Variants in RFT1 observed in about 807,000 individuals in gnomAD.
RFT1 encodes RFT1 glycolipid translocator homolog, also known as man(5)GlcNAc(2)-PP-dolichol translocation protein RFT1.
RFT1 carries 43 observed loss-of-function variants against 62.2 expected under a neutral mutation model. The observed-to-expected ratio is 0.69, with a 90% CI of 0.54 to 0.89. The LOEUF (loss-of-function observed/expected upper bound fraction) is 0.89. Ranked by LOEUF, RFT1 falls within the 40% of genes least tolerant of loss-of-function variation. The pLI is 0.00. For synonymous variants in RFT1, 262 were observed against 264.6 expected (o/e 0.99, Z 0.10); for missense variants, 605 against 649.9 (o/e 0.93, Z 0.75).
At chr3:53,112,594 T>C (rs1388116419) in intron 6 of RFT1, among the ~76,000 whole-genome samples, 1 of 152,042 alleles carries the variant, frequency 6.6e-6, no homozygotes, top group South Asian at 2.1e-4. Flanking sequence ...AATACAAAAA[T>C]TAGCTGGGCG....
chr3:53,074,019 G>A, the RFT1 span, among the ~76,000 whole-genome samples: 220 of 152,296 alleles, frequency 1.4e-3, no homozygotes, highest in African/African-American at 5.2e-3. Context: ...CGGGGCCCCG[G>A]TGAGGCAGGC....
At chr3:53,121,249 G>A (rs1701959358) in intron 5 of RFT1, among the ~76,000 whole-genome samples, 1 of 152,128 alleles carries the variant, frequency 6.6e-6, no homozygotes, top group African/African-American at 2.4e-5. Flanking sequence ...TGAATTATGT[G>A]AGATTTCAAA....
chr3:53,085,956 C>T (rs1700844909), downstream of RFT1: 1 of 152,154 alleles, frequency 6.6e-6, no homozygotes, highest in Non-Finnish European at 1.5e-5. Context: ...TCTGATACAC[C>T]CAGACAGTTC....
chr3:53,081,940 T>A, the RFT1 span, among the ~76,000 whole-genome samples: 1 of 151,870 alleles, frequency 6.6e-6, no homozygotes, highest in Admixed American at 6.6e-5. Context: ...ACTTGCTGGA[T>A]TTTTAGTTTT....
intron 1 of RFT1, among the ~76,000 whole-genome samples, chr3:53,129,837 CT>C (rs1275874509): frequency 6.6e-6 from 1 of 152,208 alleles, no homozygotes; most frequent in African/African-American, 2.4e-5. Flanking sequence ...CCCCATTTTA[CT>C]AGTGAGGAAC....
chr3:53,099,706 G>T (rs954723804), intron 10 of RFT1, among the ~76,000 whole-genome samples: 1 of 152,194 alleles, frequency 6.6e-6, no homozygotes, highest in Non-Finnish European at 1.5e-5. Flanking sequence ...AAAATGACAG[G>T]CTGGGCACGG....
the RFT1 span, among the ~76,000 whole-genome samples, chr3:53,082,866 T>C: frequency 6.6e-6 from 1 of 151,962 alleles, no homozygotes; most frequent in East Asian, 1.9e-4. Flanking sequence ...GAAGATGAAA[T>C]ACACATGAAG....
intron 3 of RFT1, 117 bp from the exon 4 acceptor site, chr3:53,122,680 T>C: frequency 1.8e-6 from 1 of 570,536 alleles, no homozygotes; most frequent in Admixed American, 3.8e-5. Context: ...CATTTATTTA[T>C]AAGATACTAA....
At chr3:53,127,859 T>C (rs563355996) in intron 1 of RFT1, among the ~76,000 whole-genome samples, 49 of 152,198 alleles carry the variant, frequency 3.2e-4, no homozygotes, top group Non-Finnish European at 5.4e-4. Context: ...ACTTTCAGCA[T>C]AGGTGGCTTA....
intron 3 of RFT1, 139 bp from the exon 4 acceptor site, chr3:53,122,702 G>C: frequency 2.4e-6 from 1 of 421,118 alleles, no homozygotes; most frequent in Non-Finnish European, 3.8e-6. Flanking sequence ...TACATGCCAG[G>C]CACTATGATT....
At chr3:53,099,587 G>T in intron 10 of RFT1, 101 bp from the exon 11 acceptor site, 1 of 861,496 alleles carries the variant, frequency 1.2e-6, no homozygotes, top group Non-Finnish European at 1.9e-6. Flanking sequence ...CAGACTATGA[G>T]GTCTGCTGGT....
In RFT1 at chr3:53,122,553, C is replaced by G; in HGVS notation, c.277G>C (p.Gly93Arg). 3 of 1,606,526 alleles carry G rather than the reference C, an allele frequency of 1.9e-6. No individual in the cohort carries two copies. The highest frequency in any genetic ancestry group is 2.6e-6 in the Non-Finnish European group (3 of 1,175,578). The change falls in exon 4 of 13, where the codon GGT becomes CGT. Residue 93 changes from glycine to arginine, a missense_variant. Transcript: ENST00000296292. The part of the protein sequence containing the change: ...LNLLWLTVPL[G>R]VFWSLFLGWI... ...CCCAGGAATAAGGACCAAAACACAC[C>G]CAGGGGGACTCTAGAAGAGGAGAAA...
At chr3:53,070,295 A>G in the RFT1 span, among the ~76,000 whole-genome samples, 1 of 151,788 alleles carries the variant, frequency 6.6e-6, no homozygotes, top group Non-Finnish European at 1.5e-5. Context: ...GACGCCTGTA[A>G]TCCCAGCACT....
chr3:53,069,547 G>GA, the RFT1 span, among the ~76,000 whole-genome samples: 3 of 151,002 alleles, frequency 2.0e-5, no homozygotes, highest in African/African-American at 2.4e-5. Context: ...GGGGGAAAAA[G>GA]AAAAAAAAGG....
chr3:53,099,525 C>T (rs752544760), intron 10 of RFT1, 39 bp from the exon 11 acceptor site: 178 of 1,513,764 alleles, frequency 1.2e-4, no homozygotes, highest in Admixed American at 6.4e-4. Context: ...AGAGCCCAAT[C>T]AGAAGGCCCA....
chr3:53,107,444 TAA>T (rs1198229364), intron 7 of RFT1, among the ~76,000 whole-genome samples: 1 of 151,950 alleles, frequency 6.6e-6, no homozygotes, highest in Non-Finnish European at 1.5e-5. Flanking sequence ...GCCCTAAAAA[TAA>T]GTTTTTAAAA....
intron 3 of RFT1, among the ~76,000 whole-genome samples, 194 bp from the exon 4 acceptor site, chr3:53,122,757 T>C (rs1702007117): frequency 6.6e-6 from 1 of 152,148 alleles, no homozygotes; most frequent in South Asian, 2.1e-4. Context: ...CCTCTGTCAT[T>C]ATCTCCATTA....
At chr3:53,096,296 A>T (rs1412196236) in intron 11 of RFT1, among the ~76,000 whole-genome samples, 1 of 152,228 alleles carries the variant, frequency 6.6e-6, no homozygotes, top group African/African-American at 2.4e-5. Flanking sequence ...AAAGAAAATT[A>T]GACAGCCTTA....
chr3:53,109,447 C>T (rs1429963374), intron 7 of RFT1, among the ~76,000 whole-genome samples: 1 of 152,338 alleles, frequency 6.6e-6, no homozygotes, highest in Admixed American at 6.5e-5. Flanking sequence ...TCAGTATTCT[C>T]AGCACCTGGC....
Sources: gnomAD v4.1 joint callset for allele counts (sites outside exome capture counted in the v4.1 genomes callset) on GRCh38, gnomAD v4.1.1 for gene constraint, MANE v1.5 for transcripts, NCBI Gene and HGNC (gene_info 2026-07-23, HGNC 2026-07-21) for gene names.